Variants in B3GALT1 observed in about 807,000 individuals in gnomAD.
B3GALT1 encodes the protein UDP-Gal:betaGlcNAc beta 1,3-galactosyltransferase, polypeptide 1.
A neutral mutation model predicts 23.2 loss-of-function variants in B3GALT1; 10 were observed. The ratio of observed to expected loss-of-function variants is 0.43; its 90% CI spans 0.27 to 0.73. The LOEUF (loss-of-function observed/expected upper bound fraction) is 0.73, where lower values mean the gene tolerates loss of function less well. B3GALT1 is among the 30% of genes least tolerant of loss of function. The probability of loss-of-function intolerance (pLI) is 0.21; values close to 1 mark genes in which losing one functional copy is unlikely to be tolerated. For missense variants in B3GALT1, 299 were observed against 405.4 expected (o/e 0.74, Z 2.25); for synonymous variants, 156 against 141.5 (o/e 1.10, Z -0.73).
intron 1 of B3GALT1, among the ~76,000 whole-genome samples, chr2:167,440,429 G>C (rs965773556): frequency 2.0e-5 from 3 of 150,234 alleles, no homozygotes; most frequent in Admixed American, 1.3e-4. Flanking sequence ...ATATAAATAT[G>C]ACTTCCAAAT....
At chr2:167,496,836 A>C (rs562531092) in intron 2 of B3GALT1, among the ~76,000 whole-genome samples, 70 of 152,250 alleles carry the variant, frequency 4.6e-4, no homozygotes, top group African/African-American at 1.6e-3. Context: ...GATATGATGA[A>C]ACATTGACAC....
At chr2:167,393,427 G>T (rs1698050754) in intron 1 of B3GALT1, among the ~76,000 whole-genome samples, 1 of 151,908 alleles carries the variant, frequency 6.6e-6, no homozygotes, top group Non-Finnish European at 1.5e-5. Context: ...GGTTAGGAAA[G>T]GACCCTGAAA....
intron 2 of B3GALT1, among the ~76,000 whole-genome samples, chr2:167,535,344 A>G (rs1411802546): frequency 6.6e-6 from 1 of 152,156 alleles, no homozygotes; most frequent in Non-Finnish European, 1.5e-5. Flanking sequence ...TGTACAATCT[A>G]TACTGTGTAC....
intron 2 of B3GALT1, among the ~76,000 whole-genome samples, chr2:167,510,493 C>A (rs1219035203): frequency 6.6e-6 from 1 of 151,336 alleles, no homozygotes; most frequent in African/African-American, 2.4e-5. Context: ...ATAAGAACTC[C>A]CCACTAGTAA....
chr2:167,754,765 A>G (rs1044130601), intron 3 of B3GALT1, among the ~76,000 whole-genome samples: 2 of 152,240 alleles, frequency 1.3e-5, no homozygotes, highest in African/African-American at 2.4e-5. Context: ...TCTCAGAAAT[A>G]AAGACAGGTT....
At chr2:167,717,838 C>T (rs1687175140) in intron 3 of B3GALT1, among the ~76,000 whole-genome samples, 2 of 152,288 alleles carry the variant, frequency 1.3e-5, no homozygotes, top group South Asian at 2.1e-4. Context: ...TCCAGATTCA[C>T]CTCAATATTG....
At chr2:167,814,606 A>C (rs1688956067) in intron 3 of B3GALT1, among the ~76,000 whole-genome samples, 1 of 152,132 alleles carries the variant, frequency 6.6e-6, no homozygotes, top group African/African-American at 2.4e-5. Flanking sequence ...CTAAAAAAAA[A>C]AATTAGCCAG....
intron 3 of B3GALT1, among the ~76,000 whole-genome samples, chr2:167,789,246 C>T (rs1171608046): frequency 6.6e-6 from 1 of 152,104 alleles, no homozygotes; most frequent in African/African-American, 2.4e-5. Context: ...GTCGTATAGC[C>T]CTTTTCTCCT....
intron 2 of B3GALT1, among the ~76,000 whole-genome samples, chr2:167,550,106 T>C (rs1005340331): frequency 6.6e-6 from 1 of 151,400 alleles, no homozygotes; most frequent in East Asian, 2.2e-4. Context: ...ACCGTAACAG[T>C]TGGTTCTAAT....
At chr2:167,473,330 G>A (rs1311115478) in intron 1 of B3GALT1, among the ~76,000 whole-genome samples, 1 of 152,062 alleles carries the variant, frequency 6.6e-6, no homozygotes, top group African/African-American at 2.4e-5. Flanking sequence ...ACTGTGCTAG[G>A]CAACAAACTT....
chr2:167,516,859 T>C (rs899211864), intron 2 of B3GALT1, among the ~76,000 whole-genome samples: 11 of 151,896 alleles, frequency 7.2e-5, no homozygotes, highest in African/African-American at 2.7e-4. Flanking sequence ...TTACTTCTTT[T>C]TGCTCTTCAA....
At chr2:167,499,045 A>G (rs901254780) in intron 2 of B3GALT1, among the ~76,000 whole-genome samples, 2 of 152,078 alleles carry the variant, frequency 1.3e-5, no homozygotes, top group African/African-American at 4.8e-5. Flanking sequence ...TTACACTTTT[A>G]TATTTATTTT....
At chr2:167,856,542 A>G (rs115186349) in intron 4 of B3GALT1, among the ~76,000 whole-genome samples, 224 of 152,240 alleles carry the variant, frequency 1.5e-3, no homozygotes, top group Middle Eastern at 3.4e-3. Flanking sequence ...AACACATAGG[A>G]CCACCAGCAA....
At chr2:167,809,424 T>G (rs1268751900) in intron 3 of B3GALT1, among the ~76,000 whole-genome samples, 3 of 152,186 alleles carry the variant, frequency 2.0e-5, no homozygotes, top group African/African-American at 7.2e-5. Context: ...TTTATCTACC[T>G]TTGGTCTTTG....
intron 1 of B3GALT1, among the ~76,000 whole-genome samples, chr2:167,390,496 A>G (rs1698002479): frequency 6.6e-6 from 1 of 152,214 alleles, no homozygotes; most frequent in Admixed American, 6.5e-5. Context: ...ATTAGAGTGC[A>G]TGTATTAACA....
chr2:167,628,542 G>A (rs1685386475), intron 2 of B3GALT1, among the ~76,000 whole-genome samples: 1 of 151,700 alleles, frequency 6.6e-6, no homozygotes, highest in African/African-American at 2.4e-5. Flanking sequence ...TCAGCCACCA[G>A]TAGGATTTCT....
At chr2:167,764,665 A>G (rs1687947572) in intron 3 of B3GALT1, among the ~76,000 whole-genome samples, 1 of 152,232 alleles carries the variant, frequency 6.6e-6, no homozygotes, top group South Asian at 2.1e-4. Flanking sequence ...GACAAGAAAA[A>G]TAATTATTTT....
At chr2:167,418,596 C>G (rs542878887) in intron 1 of B3GALT1, among the ~76,000 whole-genome samples, 2 of 152,224 alleles carry the variant, frequency 1.3e-5, no homozygotes, top group African/African-American at 4.8e-5. Context: ...GGTTCCTCAA[C>G]CTTTTCTCAT....
At chr2:167,803,663 G>T (rs976625424) in intron 3 of B3GALT1, among the ~76,000 whole-genome samples, 1 of 152,144 alleles carries the variant, frequency 6.6e-6, no homozygotes, top group Non-Finnish European at 1.5e-5. Flanking sequence ...TTAGCAGATG[G>T]TTTTCCTGTG....
Sources: allele counts gnomAD v4.1 joint callset (sites outside exome capture counted in the v4.1 genomes callset), GRCh38; gene constraint gnomAD v4.1.1; transcripts MANE v1.5; gene names NCBI Gene and HGNC (gene_info 2026-07-23, HGNC 2026-07-21).